Variants in NOX4 observed in about 807,000 individuals in gnomAD.
NOX4 encodes NADPH oxidase 4, also known as kidney oxidase-1.
In NOX4, 69 loss-of-function variants were observed where a neutral mutation model predicts 87.6. The observed-to-expected ratio is 0.79, with a 90% CI of 0.65 to 0.96. The LOEUF (loss-of-function observed/expected upper bound fraction) is 0.96, where lower values mean the gene tolerates loss of function less well. Ranked by LOEUF, NOX4 falls within the 40% of genes least tolerant of loss-of-function variation. NOX4 has a pLI of 0.00. For missense variants in NOX4, 680 were observed against 681.5 expected, an observed-to-expected ratio of 1.00 and a Z score of 0.02; for synonymous variants, 275 against 238.2, an observed-to-expected ratio of 1.15 and a Z score of -1.42.
intron 17 of NOX4, among the ~76,000 whole-genome samples, chr11:89,327,994 C>T (rs1319514186): frequency 2.0e-5 from 3 of 152,108 alleles, no homozygotes; most frequent in Non-Finnish European, 4.4e-5. Context: ...AGCTAAGCAC[C>T]GTCACTCTCT....
At chr11:89,384,710 C>G (rs1345937090) in intron 11 of NOX4, among the ~76,000 whole-genome samples, 8 of 152,252 alleles carry the variant, frequency 5.3e-5, no homozygotes, top group Non-Finnish European at 1.2e-4. Context: ...CTAACTCATC[C>G]CAACCATTTT....
At chr11:89,358,010 T>A (rs1938203745) in intron 12 of NOX4, among the ~76,000 whole-genome samples, 1 of 152,108 alleles carries the variant, frequency 6.6e-6, no homozygotes, top group South Asian at 2.1e-4. Context: ...AATGTTCCTA[T>A]ATTTGGAACA....
chr11:89,550,798 T>A, the NOX4 span, among the ~76,000 whole-genome samples: 1 of 152,216 alleles, frequency 6.6e-6, no homozygotes, highest in Non-Finnish European at 1.5e-5. Context: ...TTAGTTTAAT[T>A]AGATCCCATT....
chr11:89,488,972 T>G, intron 2 of NOX4: 2 of 702,548 alleles, frequency 2.8e-6, no homozygotes, highest in East Asian at 2.7e-5. Flanking sequence ...CCATCTGAAA[T>G]GTATAGGTTT....
At chr11:89,445,360 A>T (rs781538091) in intron 4 of NOX4, among the ~76,000 whole-genome samples, 1 of 151,062 alleles carries the variant, frequency 6.6e-6, no homozygotes, top group Non-Finnish European at 1.5e-5. Flanking sequence ...CACACACAAA[A>T]ATAATGAAAG....
At chr11:89,484,796 A>C (rs1946527007) in intron 2 of NOX4, among the ~76,000 whole-genome samples, 1 of 152,196 alleles carries the variant, frequency 6.6e-6, no homozygotes, top group African/African-American at 2.4e-5. Context: ...GTGTCTAAAT[A>C]ACAGAATGTT....
At chr11:89,515,032 C>T in the NOX4 span, among the ~76,000 whole-genome samples, 1 of 151,942 alleles carries the variant, frequency 6.6e-6, no homozygotes, top group African/African-American at 2.4e-5. Context: ...ATTTAATTTG[C>T]TTCTAAGTTT....
chr11:89,334,555 T>A (rs1307144839), intron 17 of NOX4, among the ~76,000 whole-genome samples: 1 of 151,768 alleles, frequency 6.6e-6, no homozygotes, highest in Non-Finnish European at 1.5e-5. Flanking sequence ...ATCAGTGATT[T>A]CTTCAATAAA....
At chr11:89,567,224 T>C in the NOX4 span, among the ~76,000 whole-genome samples, 1 of 152,144 alleles carries the variant, frequency 6.6e-6, no homozygotes, top group African/African-American at 2.4e-5. Context: ...AACAGAGGCA[T>C]TTTGCAGCAG....
rs1455915146 is a variant in NOX4 at position 89,490,464 on chromosome 11, C to T, written c.147G>A (p.Met49Ile). The T allele has an allele frequency of 6.2e-7, 1 of 1,609,502 alleles. No individual in the cohort carries two copies. Among genetic ancestry groups the T allele is most frequent in the East Asian group, 2.2e-5 (1 of 44,846 alleles). Residue 49 changes from methionine to isoleucine, a missense_variant, in exon 2 of 18, where the codon ATG becomes ATA. By Grantham distance (10) the Met-to-Ile change is conservative. Coordinates refer to ENST00000263317, the MANE Select transcript of NOX4 (RefSeq NM_016931.5). ...QGPEYHYLHQMLGLGLCLSRA... is the reference protein window; with the variant it reads ...QGPEYHYLHQILGLGLCLSRA... Reference sequence around the variant, plus strand: ...CCAAGTTCACCTTACTTACCCCCAACATCTGGTGGAGGTAGTGATACTCTG... The same window carrying T: ...CCAAGTTCACCTTACTTACCCCCAATATCTGGTGGAGGTAGTGATACTCTG...
intron 12 of NOX4, among the ~76,000 whole-genome samples, chr11:89,358,681 T>C (rs1938276957): frequency 6.6e-6 from 1 of 151,582 alleles, no homozygotes; most frequent in Admixed American, 6.6e-5. Context: ...TTTTTGCCTA[T>C]CAGTTATTTA....
At chr11:89,438,865 TTATA>T (rs369254094) in intron 6 of NOX4, among the ~76,000 whole-genome samples, 3 of 22,874 alleles carry the variant, frequency 1.3e-4, no homozygotes, top group Non-Finnish European at 1.1e-4. Context: ...ATATTATATA[TTATA>T]TATATAATAT....
the NOX4 span, among the ~76,000 whole-genome samples, chr11:89,510,692 A>G: frequency 6.6e-6 from 1 of 152,100 alleles, no homozygotes; most frequent in African/African-American, 2.4e-5. Context: ...TATAAACTTA[A>G]AATGTTTGAT....
chr11:89,531,152 T>C, the NOX4 span, among the ~76,000 whole-genome samples: 1 of 152,176 alleles, frequency 6.6e-6, no homozygotes, highest in Non-Finnish European at 1.5e-5. Flanking sequence ...AGAGGATAAA[T>C]GCACAAAATT....
At chr11:89,503,530 C>T in the NOX4 span, among the ~76,000 whole-genome samples, 8 of 151,570 alleles carry the variant, frequency 5.3e-5, no homozygotes, top group Admixed American at 1.3e-4. Flanking sequence ...TTGTTTTACT[C>T]AATAAGTAAA....
intron 2 of NOX4, among the ~76,000 whole-genome samples, chr11:89,457,356 G>A (rs1945253403): frequency 6.6e-6 from 1 of 152,178 alleles, no homozygotes; most frequent in Non-Finnish European, 1.5e-5. Context: ...CCCTGCACCA[G>A]CCACACTGCC....
chr11:89,446,059 T>G (rs1485571280), intron 4 of NOX4, among the ~76,000 whole-genome samples: 2 of 152,078 alleles, frequency 1.3e-5, no homozygotes, highest in South Asian at 2.1e-4. Context: ...GCCAAACATC[T>G]CAATAGATAC....
intron 1 of NOX4, chr11:89,490,868 G>C: frequency 1.4e-6 from 1 of 701,070 alleles, no homozygotes. Context: ...GCAAACAGAA[G>C]TAATCTGGGA....
intron 11 of NOX4, among the ~76,000 whole-genome samples, chr11:89,390,617 C>T (rs1352361148): frequency 2.6e-5 from 4 of 152,108 alleles, no homozygotes. Context: ...CTACAAGGTG[C>T]TAGATGAATC....
Sources: gnomAD v4.1 joint callset for allele counts (sites outside exome capture counted in the v4.1 genomes callset) on GRCh38, gnomAD v4.1.1 for gene constraint, MANE v1.5 for transcripts, NCBI Gene and HGNC (gene_info 2026-07-23, HGNC 2026-07-21) for gene names.